PRKN: variants seen among roughly 807,000 people sequenced by gnomAD.
PRKN encodes the protein E3 ubiquitin-protein ligase parkin.
In PRKN, 56 loss-of-function variants were observed where a neutral mutation model predicts 59.5. The observed-to-expected ratio is 0.94, with a 90% confidence interval of 0.76 to 1.18. PRKN has a LOEUF of 1.18. Among genes scored for constraint, PRKN ranks in the 50% most tolerant of loss-of-function variants. PRKN has a pLI of 0.00. For missense variants in PRKN, 657 were observed against 596.4 expected, an observed-to-expected ratio of 1.10 and a Z score of -1.06; for synonymous variants, 250 against 222.1, an observed-to-expected ratio of 1.13 and a Z score of -1.12.
At chr6:162,484,763 T>C (rs1792467093) in intron 1 of PRKN, among the ~76,000 whole-genome samples, 1 of 152,220 alleles carries the variant, frequency 6.6e-6, no homozygotes. Flanking sequence ...TGTGACTATC[T>C]GTTCATCATG....
chr6:161,817,276 G>C (rs1275866764), intron 6 of PRKN, among the ~76,000 whole-genome samples: 1 of 152,218 alleles, frequency 6.6e-6, no homozygotes, highest in East Asian at 1.9e-4. Flanking sequence ...TCGATTTTAA[G>C]AGGCTCTAAA....
At chr6:161,733,230 T>C (rs1256889966) in intron 7 of PRKN, among the ~76,000 whole-genome samples, 8 of 152,170 alleles carry the variant, frequency 5.3e-5, no homozygotes, top group Admixed American at 5.2e-4. Context: ...TTAAAACTGA[T>C]GGGAAAGTCT....
intron 7 of PRKN, among the ~76,000 whole-genome samples, chr6:161,763,560 T>C (rs1789294398): frequency 6.6e-6 from 1 of 152,042 alleles, no homozygotes; most frequent in African/African-American, 2.4e-5. Flanking sequence ...TAAGAGGAGA[T>C]TGTGCATCTG....
At chr6:162,340,410 C>T (rs1784121720) in intron 2 of PRKN, among the ~76,000 whole-genome samples, 2 of 152,112 alleles carry the variant, frequency 1.3e-5, no homozygotes, top group South Asian at 4.1e-4. Context: ...ATAGTCAAAC[C>T]ATAATGAAAT....
intron 4 of PRKN, among the ~76,000 whole-genome samples, chr6:162,170,442 T>C (rs933286916): frequency 6.6e-6 from 1 of 152,166 alleles, no homozygotes; most frequent in African/African-American, 2.4e-5. Flanking sequence ...TATCCCTCTC[T>C]GTCCAAAAAA....
At chr6:162,439,880 AG>A (rs1583575336) in intron 2 of PRKN, among the ~76,000 whole-genome samples, 1 of 152,182 alleles carries the variant, frequency 6.6e-6, no homozygotes, top group East Asian at 1.9e-4. Context: ...TCATGGTATC[AG>A]TAAGGCTTCC....
chr6:162,649,715 T>C (rs1215315591), intron 1 of PRKN, among the ~76,000 whole-genome samples: 2 of 151,844 alleles, frequency 1.3e-5, no homozygotes, highest in South Asian at 4.1e-4. Flanking sequence ...TAGAAATCCA[T>C]CTAATGTGAG....
intron 3 of PRKN, among the ~76,000 whole-genome samples, chr6:162,214,806 G>T (rs1451862439): frequency 2.6e-5 from 4 of 152,208 alleles, no homozygotes; most frequent in South Asian, 4.2e-4. Context: ...TTCATTAAAA[G>T]ATTAAATAAA....
intron 6 of PRKN, among the ~76,000 whole-genome samples, chr6:161,801,533 C>G (rs547380624): frequency 1.1e-4 from 16 of 152,196 alleles, no homozygotes; most frequent in Non-Finnish European, 1.9e-4. Context: ...CTATAAACAT[C>G]GAACAGTGTC....
At position 162,556,401 on chromosome 6, in the gene PRKN, G is replaced by GTGTGTGTGTGTC. The variant is rs776385523; in HGVS notation, c.8-112929_8-112928insGACACACACACA. Among the ~76,000 whole-genome samples the GTGTGTGTGTGTC allele has an allele frequency of 7.2e-3, 947 of 131,162 alleles. 21 individuals are homozygous for GTGTGTGTGTGTC. Among genetic ancestry groups the GTGTGTGTGTGTC allele is most frequent in the South Asian group, 0.012 (46 of 3,734 alleles). The allele number at this position is 131,162 out of a possible 152,430, so 86.0% of individuals were successfully genotyped here. A position where few individuals can be genotyped will look rare whatever the true frequency, so the allele number is the denominator to read the frequency against. Reference sequence around the variant, plus strand: ...TGTGTGTGTGTGTGTGTGTGTGTGTGTGTCAGTTTGGCAGACGCCTTCTTT... The same window carrying GTGTGTGTGTGTC: ...TGTGTGTGTGTGTGTGTGTGTGTGTGTGTGTGTGTGTCTGTCAGTTTGGCAGACGCCTTCTTT... On this transcript the variant is annotated intron_variant, in intron 1 of 11. Transcript: ENST00000366898.
chr6:162,550,312 G>T (rs1052665272), intron 1 of PRKN, among the ~76,000 whole-genome samples: 12 of 152,276 alleles, frequency 7.9e-5, no homozygotes, highest in African/African-American at 2.6e-4. Context: ...CTGTCCCAAG[G>T]GAGAAAGAAA....
rs574724553 is a variant in PRKN, at chr6:162,145,492, G to C, written c.534+55639C>G. Among the ~76,000 whole-genome samples, 5 of 152,268 alleles carry C rather than the reference G, an allele frequency of 3.3e-5. No individual in the cohort carries two copies. The East Asian group carries it at 9.6e-4, about 29-fold the overall frequency. On this transcript the variant is annotated intron_variant, in intron 4 of 11. Coordinates refer to ENST00000366898, the MANE Select transcript of PRKN (RefSeq NM_004562.3). ...ATTATTGTTGCTAGTGGAGAGTCTTGCCTGCAAGTTGTCCAGGTTCTTGGT... is the reference window on the plus strand; with the variant it reads ...ATTATTGTTGCTAGTGGAGAGTCTTCCCTGCAAGTTGTCCAGGTTCTTGGT...
intron 7 of PRKN, among the ~76,000 whole-genome samples, chr6:161,761,123 G>T (rs1407324842): frequency 6.6e-6 from 1 of 152,184 alleles, no homozygotes; most frequent in Non-Finnish European, 1.5e-5. Context: ...AGGTATTATG[G>T]CCAGTTAATA....
chr6:161,570,476 C>T (rs1055190236), intron 7 of PRKN, among the ~76,000 whole-genome samples: 28 of 151,476 alleles, frequency 1.8e-4, no homozygotes, highest in African/African-American at 6.5e-4. Context: ...TCTGCTACCC[C>T]TGAGACAGCA....
intron 2 of PRKN, among the ~76,000 whole-genome samples, chr6:162,317,853 A>G (rs1428949878): frequency 1.3e-5 from 2 of 152,060 alleles, no homozygotes; most frequent in African/African-American, 2.4e-5. Context: ...GGCTGGCTAC[A>G]TTCAGTTCAG....
intron 2 of PRKN, among the ~76,000 whole-genome samples, chr6:162,439,352 CTCT>C (rs1789940152): frequency 6.7e-6 from 1 of 148,566 alleles, no homozygotes; most frequent in Non-Finnish European, 1.5e-5. Flanking sequence ...CTCTCTCTCT[CTCT>C]CTCTCTCTCT....
chr6:162,413,925 T>C (rs542380353), intron 2 of PRKN, among the ~76,000 whole-genome samples: 1 of 152,288 alleles, frequency 6.6e-6, no homozygotes, highest in South Asian at 2.1e-4. Flanking sequence ...CTCACGCCTG[T>C]AGTCCCAGCA....
chr6:162,210,140 C>T (rs572325297), intron 3 of PRKN, among the ~76,000 whole-genome samples: 1 of 33,446 alleles, frequency 3.0e-5, no homozygotes, highest in Admixed American at 2.1e-4. Flanking sequence ...AATAAAGAGG[C>T]AGCACCTCTC....
Position 161,570,234 on chromosome 6 carries a change from GAT to G in PRKN, c.872-820_872-819del, listed in dbSNP as rs1224989685. Among the ~76,000 whole-genome samples, 51 of 134,544 alleles carry G rather than the reference GAT, an allele frequency of 3.8e-4. 1 individual carries two copies. The highest frequency in any genetic ancestry group is 3.7e-3 in the Admixed American group (47 of 12,726). 88.3% of individuals were successfully genotyped at this position (134,544 alleles called of 152,430 possible). On this transcript the variant is annotated intron_variant, in intron 7 of 11. Transcript: ENST00000366898. ...ATTATATAATTATATTTAATGTATA[GAT>G]ATGAGTTATATATATTTTTATATAA... is the stretch of plus-strand genomic sequence containing the variant.
Sources: gnomAD v4.1 joint callset for allele counts (sites outside exome capture counted in the v4.1 genomes callset) on GRCh38, gnomAD v4.1.1 for gene constraint, MANE v1.5 for transcripts, NCBI Gene and HGNC (gene_info 2026-07-23, HGNC 2026-07-21) for gene names.